The following FAAH2 variants were observed in gnomAD, a reference collection of about 807,000 sequenced individuals.
The protein encoded by FAAH2 is fatty acid amide hydrolase 2, also known as fatty-acid amide hydrolase 2.
In FAAH2, 60 loss-of-function variants were observed where a neutral mutation model predicts 36.9. The observed-to-expected ratio is 1.63, with a 90% CI of 1.32 to 2.02. The LOEUF (loss-of-function observed/expected upper bound fraction) is 2.02. Ranked by LOEUF, FAAH2 falls within the 30% of genes most tolerant of loss-of-function variation. The pLI is 0.00. For synonymous variants in FAAH2, 214 were observed against 143.8 expected (o/e 1.49, Z -3.49); for missense variants, 689 against 397.5 (o/e 1.73, Z -6.23).
chrX:57,297,130 C>A (rs1400042743), intron 2 of FAAH2, among the ~76,000 whole-genome samples: 2 of 108,002 alleles, frequency 1.9e-5, no homozygotes, highest in Middle Eastern at 4.7e-3. Flanking sequence ...TCAAGAAGAG[C>A]AACTCCAAGA....
intron 5 of FAAH2, among the ~76,000 whole-genome samples, chrX:57,352,035 TAC>T (rs1555979990): frequency 0.39 from 5,925 of 15,121 alleles, 1,188 homozygotes; most frequent in South Asian, 0.65. Flanking sequence ...TATATATATA[TAC>T]ATATATATAT....
In FAAH2 at chrX:57,394,561, C is replaced by T. The variant is rs1163658658; in HGVS notation, c.996+13532C>T. On this transcript the variant is annotated intron_variant, in intron 7 of 10. Coordinates refer to ENST00000374900, the MANE Select transcript of FAAH2 (RefSeq NM_174912.4). ...TCCACTTTCCTGGCTTAAATTTCTC[C>T]AGGAAACGCTTGGCACTCTCTACAG... The T allele has an allele frequency of 1.7e-5, 21 of 1,205,055 alleles. No individual in the cohort carries two copies. The East Asian group carries it at 4.4e-4, about 26-fold the overall frequency.
At chrX:57,220,487 C>T in the FAAH2 span, among the ~76,000 whole-genome samples, 1 of 111,577 alleles carries the variant, frequency 9.0e-6, no homozygotes, top group Non-Finnish European at 1.9e-5. Context: ...TCCTAATCCA[C>T]CCCCAATGTT....
chrX:57,152,483 C>T, the FAAH2 span, among the ~76,000 whole-genome samples: 7 of 112,571 alleles, frequency 6.2e-5, no homozygotes, highest in Non-Finnish European at 1.3e-4. Context: ...GCGCCCCTCC[C>T]CCAGCCTCGC....
At chrX:57,287,236 C>T (rs2051835516) in intron 1 of FAAH2, among the ~76,000 whole-genome samples, 1 of 111,343 alleles carries the variant, frequency 9.0e-6, no homozygotes. Context: ...TTGGTACCGT[C>T]ATAGTCCTTC....
At chrX:57,202,183 C>T in the FAAH2 span, among the ~76,000 whole-genome samples, 1 of 111,924 alleles carries the variant, frequency 8.9e-6, no homozygotes, top group African/African-American at 3.3e-5. Context: ...TTCTTGGATG[C>T]TCTTGATACT....
chrX:57,177,525 G>C, the FAAH2 span, among the ~76,000 whole-genome samples: 13 of 92,278 alleles, frequency 1.4e-4, no homozygotes, highest in South Asian at 1.1e-3. Flanking sequence ...AATGTGGGTC[G>C]GTTCGGGAGC....
At chrX:57,121,749 A>G in the FAAH2 span, 1 of 110,634 alleles carries the variant, frequency 9.0e-6, no homozygotes, top group Admixed American at 9.5e-5. Context: ...CCCCTTCCTC[A>G]CCCGTTTCAG....
intron 4 of FAAH2, among the ~76,000 whole-genome samples, chrX:57,335,984 A>C (rs1229140931): frequency 9.0e-6 from 1 of 111,428 alleles, no homozygotes; most frequent in Admixed American, 9.5e-5. Context: ...AGGGAGCACA[A>C]GGTTGGGGGT....
At chrX:57,258,734 A>G in the FAAH2 span, among the ~76,000 whole-genome samples, 1 of 97,527 alleles carries the variant, frequency 1.0e-5, no homozygotes, top group African/African-American at 4.0e-5. Flanking sequence ...TTTGAGACAG[A>G]GTCTTGCTCT....
intron 10 of FAAH2, among the ~76,000 whole-genome samples, chrX:57,464,610 A>G (rs1400918162): frequency 3.7e-5 from 4 of 109,530 alleles, no homozygotes; most frequent in African/African-American, 1.3e-4. Flanking sequence ...GAATCAACAA[A>G]CAGTAACAGA....
chrX:57,136,806 G>C, the FAAH2 span: 1 of 380,679 alleles, frequency 2.6e-6, no homozygotes, highest in African/African-American at 2.7e-5. Flanking sequence ...GGGTGGTGCA[G>C]TAGAGCTGTC....
At chrX:57,473,455 A>G (rs984121833) in intron 10 of FAAH2, among the ~76,000 whole-genome samples, 4 of 111,410 alleles carry the variant, frequency 3.6e-5, no homozygotes, top group African/African-American at 9.8e-5. Context: ...CATATGTTCA[A>G]TTTTGGAGAA....
At chrX:57,395,481 A>T in intron 7 of FAAH2, 1 of 436,889 alleles carries the variant, frequency 2.3e-6, no homozygotes, top group Non-Finnish European at 4.0e-6. Context: ...GAATGCTTTA[A>T]CCTTATCCTC....
Position 57,382,998 on chromosome X carries a change from C to T in FAAH2, c.996+1969C>T, listed in dbSNP as rs746503493. Among the ~76,000 whole-genome samples, 14 of 111,129 alleles carry T rather than the reference C, an allele frequency of 1.3e-4. No homozygotes were observed. The South Asian group carries it at 5.0e-3, about 40-fold the overall frequency. On this transcript the variant is annotated intron_variant, in intron 7 of 10. Transcript: ENST00000374900. ...CCACCATGATCAAGTGGGCTTCATC[C>T]CTGGGATGCAAGGCTGGTTTAACAT...
chrX:57,293,551 G>A (rs1480200288), intron 2 of FAAH2, among the ~76,000 whole-genome samples: 1 of 111,866 alleles, frequency 8.9e-6, no homozygotes, highest in African/African-American at 3.3e-5. Flanking sequence ...GTGGTTCTAT[G>A]TTTCAGGAGG....
chrX:57,278,758 GA>G, the FAAH2 span, among the ~76,000 whole-genome samples: 2 of 110,796 alleles, frequency 1.8e-5, no homozygotes, highest in Non-Finnish European at 3.8e-5. Flanking sequence ...AAATTTACAA[GA>G]AAAAAACAAA....
rs148927963 is a variant in FAAH2, at chrX:57,375,435, C to A, written c.743-3216C>A. On this transcript the variant is annotated intron_variant, in intron 5 of 10. Transcript: ENST00000374900. ...ATTGGTCTGTTTAGAATTTCTAATT[C>A]TTCCTCATTTAAGCTGGGAGAGTTG... Among the ~76,000 whole-genome samples the A allele has an allele frequency of 2.2e-3, 173 of 77,376 alleles. 1 individual carries two copies. The highest frequency in any genetic ancestry group is 8.7e-3 in the African/African-American group (169 of 19,522). The allele number at this position is 77,376 out of a possible 115,157, so 67.2% of individuals were successfully genotyped here. A position where few individuals can be genotyped will look rare whatever the true frequency, so the allele number is the denominator to read the frequency against.
chrX:57,481,565 T>C (rs1022190018), intron 10 of FAAH2, among the ~76,000 whole-genome samples: 1 of 112,094 alleles, frequency 8.9e-6, no homozygotes, highest in African/African-American at 3.2e-5. Flanking sequence ...GTATCACCAG[T>C]GGAGGCTGTA....
Sources: gnomAD v4.1 joint callset for allele counts (sites outside exome capture counted in the v4.1 genomes callset) on GRCh38, gnomAD v4.1.1 for gene constraint, MANE v1.5 for transcripts, NCBI Gene and HGNC (gene_info 2026-07-23, HGNC 2026-07-21) for gene names.